Variants in ALLC observed in about 807,000 individuals in gnomAD.
The protein encoded by ALLC is allantoicase.
A neutral mutation model predicts 45.0 loss-of-function variants in ALLC; 40 were observed. That is an observed-to-expected ratio of 0.89 (90% CI 0.69 to 1.16). The LOEUF is 1.16. Ranked by LOEUF, ALLC falls within the 50% of genes most tolerant of loss-of-function variation. The pLI, the probability that ALLC is intolerant of heterozygous loss-of-function variation, is 0.00. For synonymous variants in ALLC, 176 were observed against 178.1 expected, an observed-to-expected ratio of 0.99 and a Z score of 0.09; for missense variants, 488 against 493.1, an observed-to-expected ratio of 0.99 and a Z score of 0.10.
At chr2:3,653,983 GC>G (rs1487306938), upstream of ALLC, among the ~76,000 whole-genome samples, 20 of 152,214 alleles carry the variant, frequency 1.3e-4, no homozygotes, top group African/African-American at 4.8e-4. The surrounding 1 kb of genome is among the most constrained non-coding windows in gnomAD (Gnocchi z 4.1). Context: ...GAGCTTGGGA[GC>G]AGCTTTGCTG....
At chr2:3,701,035 C>G (rs1667813268) in intron 10 of ALLC, among the ~76,000 whole-genome samples, 1 of 152,190 alleles carries the variant, frequency 6.6e-6, no homozygotes, top group Non-Finnish European at 1.5e-5. Flanking sequence ...CAGAAATCCC[C>G]AAATACACGT....
chr2:3,651,297 T>TGGGG, the ALLC span, among the ~76,000 whole-genome samples: 10 of 1,698 alleles, frequency 5.9e-3, no homozygotes, highest in Admixed American at 0.01. Context: ...GAATTCTTTT[T>TGGGG]GGGTGGGTGG....
At chr2:3,668,317 A>G (rs548978171) in intron 1 of ALLC, among the ~76,000 whole-genome samples, 1 of 152,238 alleles carries the variant, frequency 6.6e-6, no homozygotes, top group East Asian at 1.9e-4. Flanking sequence ...CAGAGGCAGG[A>G]CAGAAGGGAA....
chr2:3,666,122 C>T (rs1240359523), intron 1 of ALLC, among the ~76,000 whole-genome samples: 3 of 152,156 alleles, frequency 2.0e-5, no homozygotes, highest in South Asian at 2.1e-4. Flanking sequence ...CCAGGGAAGC[C>T]GATCAATACA....
chr2:3,697,743 G>A (rs1667720876), intron 10 of ALLC, among the ~76,000 whole-genome samples: 2 of 151,870 alleles, frequency 1.3e-5, no homozygotes, highest in Admixed American at 1.3e-4. Context: ...TCAGCTCACT[G>A]CAACCTCCAC....
chr2:3,695,418 C>A (rs1158004086), intron 7 of ALLC: 2 of 320,518 alleles, frequency 6.2e-6, no homozygotes, highest in Admixed American at 4.5e-5. Flanking sequence ...CAGGCAGTGG[C>A]TGAATGGAGG....
chr2:3,648,845 A>G, the ALLC span, among the ~76,000 whole-genome samples: 7 of 152,216 alleles, frequency 4.6e-5, no homozygotes, highest in African/African-American at 1.7e-4. Flanking sequence ...ATGAAGTTAC[A>G]GAAACATCCT....
In ALLC at chr2:3,689,446, C is replaced by T. The variant is rs557695304; in HGVS notation, c.512-6271C>T. On this transcript the variant is annotated intron_variant, in intron 7 of 11. Coordinates refer to ENST00000252505, the MANE Select transcript of ALLC (RefSeq NM_018436.4). ...TTGTTTCAAGCATTTTTAAAATTTC[C>T]TTCTTAATTACTGACCCATTTGTTG... Among the ~76,000 whole-genome samples the T allele has an allele frequency of 7.9e-4, 119 of 150,714 alleles. 2 individuals carry two copies. Among genetic ancestry groups the T allele is most frequent in the African/African-American group, 2.8e-3 (117 of 41,358 alleles).
chr2:3,697,590 G>T, intron 10 of ALLC, 134 bp downstream of exon 10: 1 of 642,252 alleles, frequency 1.6e-6, no homozygotes, highest in Non-Finnish European at 2.7e-6. Context: ...TTTTGAGCAT[G>T]CTACTTTAAC....
chr2:3,673,804 T>C (rs1373503670), intron 2 of ALLC, among the ~76,000 whole-genome samples: 2 of 152,156 alleles, frequency 1.3e-5, no homozygotes, highest in Non-Finnish European at 2.9e-5. Context: ...AGTTGGTTTA[T>C]TTGCTTCTTG....
chr2:3,672,202 G>A lies in ALLC; in HGVS notation c.33+1012G>A, dbSNP rs1161286661. 3.4e-5 allele frequency among the ~76,000 whole-genome samples: 4 copies of A among 119,268 alleles called. 2 individuals carry two copies. Among genetic ancestry groups the A allele is most frequent in the Non-Finnish European group, 7.1e-5 (4 of 56,058 alleles). 78.2% of individuals were successfully genotyped at this position (119,268 alleles called of 152,430 possible). On this transcript the variant is annotated intron_variant, in intron 2 of 11. Coordinates refer to ENST00000252505, the MANE Select transcript of ALLC (RefSeq NM_018436.4). ...GAGGTCCCCAGGCTCTGATTAGATG[G>A]GAGGTCCTCTGGTTCTGGTTAGATA...
At chr2:3,685,760 C>A (rs886843364) in intron 7 of ALLC, among the ~76,000 whole-genome samples, 1 of 150,984 alleles carries the variant, frequency 6.6e-6, no homozygotes, top group Non-Finnish European at 1.5e-5. Context: ...AAAAAATATA[C>A]CTGTTGCCCA....
intron 7 of ALLC, among the ~76,000 whole-genome samples, chr2:3,684,882 A>G (rs975260990): frequency 6.6e-6 from 1 of 152,204 alleles, no homozygotes; most frequent in Non-Finnish European, 1.5e-5. Flanking sequence ...AATGAATAAT[A>G]ATCACATCAT....
the ALLC span, among the ~76,000 whole-genome samples, chr2:3,647,623 TCGC>T: frequency 1.3e-5 from 2 of 151,306 alleles, no homozygotes; most frequent in Non-Finnish European, 2.9e-5. Flanking sequence ...CCCCTGGGGG[TCGC>T]TCACCCGTCC....
At chr2:3,696,910 C>G (rs574717377) in intron 9 of ALLC, among the ~76,000 whole-genome samples, 23 of 152,320 alleles carry the variant, frequency 1.5e-4, no homozygotes, top group African/African-American at 5.3e-4. Flanking sequence ...TTTCATGTCA[C>G]CTGATGCTTT....
chr2:3,669,772 A>G (rs1360214534), intron 1 of ALLC, among the ~76,000 whole-genome samples: 5 of 152,186 alleles, frequency 3.3e-5, no homozygotes, highest in Non-Finnish European at 5.9e-5. Context: ...TGCTGGAGCG[A>G]CCAGGAGGAT....
At chr2:3,656,873 G>T (rs1314309272), upstream of ALLC, among the ~76,000 whole-genome samples, 3 of 152,146 alleles carry the variant, frequency 2.0e-5, no homozygotes, top group Admixed American at 1.3e-4. Context: ...CTTCTTCCAT[G>T]GCTTTATCGG....
chr2:3,666,502 C>T (rs993756198), intron 1 of ALLC, among the ~76,000 whole-genome samples: 5 of 151,822 alleles, frequency 3.3e-5, no homozygotes, highest in Non-Finnish European at 5.9e-5. Flanking sequence ...GTCTGTAACC[C>T]GCCCACGCTG....
chr2:3,697,586 G>T, intron 10 of ALLC, 130 bp downstream of exon 10: 2 of 652,728 alleles, frequency 3.1e-6, no homozygotes, highest in Non-Finnish European at 2.7e-6. Context: ...GTAATTTTGA[G>T]CATGCTACTT....
Sources: gnomAD v4.1 joint callset for allele counts (sites outside exome capture counted in the v4.1 genomes callset) on GRCh38, gnomAD v4.1.1 for gene constraint, Gnocchi (gnomAD v3.1) non-coding constraint, MANE v1.5 for transcripts, NCBI Gene and HGNC (gene_info 2026-07-23, HGNC 2026-07-21) for gene names.